The following GAS2L3 variants were observed in gnomAD, a reference collection of about 807,000 sequenced individuals.
The protein encoded by GAS2L3 is GAS2-like protein 3.
A neutral mutation model predicts 37.0 loss-of-function variants in GAS2L3; 28 were observed. The observed-to-expected ratio is 0.76, with a 90% CI of 0.56 to 1.04. GAS2L3 has a LOEUF of 1.04. GAS2L3 is among the 50% of genes least tolerant of loss of function. The pLI is 0.00. For missense variants in GAS2L3, 793 were observed against 817.6 expected (o/e 0.97, Z 0.37); for synonymous variants, 290 against 296.6 (o/e 0.98, Z 0.23).
At chr12:100,612,530 T>C (rs1447192533) in intron 6 of GAS2L3, 1 of 171,908 alleles carries the variant, frequency 5.8e-6, no homozygotes, top group Non-Finnish European at 1.2e-5. Context: ...TCACGGTGTT[T>C]AGCTTTACCT....
chr12:100,622,300 C>CTTGTAGTTGTTCTCA lies in GAS2L3; in HGVS notation c.676_690dup (p.Cys226_His230dup). Reference sequence around the variant, plus strand: ...GTTAAACATATTGCTGAGGACCCTCCTTGTAGTTGTTCTCATCGATTTTCT... The same window carrying CTTGTAGTTGTTCTCA: ...GTTAAACATATTGCTGAGGACCCTCCTTGTAGTTGTTCTCATTGTAGTTGTTCTCATCGATTTTCT... On this transcript the variant is annotated inframe_insertion, in exon 9 of 10. Coordinates refer to ENST00000547754, the MANE Select transcript of GAS2L3 (RefSeq NM_174942.3). 1 of 1,600,762 alleles carries CTTGTAGTTGTTCTCA rather than the reference C, an allele frequency of 6.2e-7. No individual in the cohort carries two copies. Among genetic ancestry groups the CTTGTAGTTGTTCTCA allele is most frequent in the East Asian group, 2.2e-5 (1 of 44,620 alleles).
chr12:100,606,675 G>A (rs190346433), intron 5 of GAS2L3, among the ~76,000 whole-genome samples: 6 of 151,594 alleles, frequency 4.0e-5, no homozygotes, highest in East Asian at 3.9e-4. Context: ...TTGATTTGAG[G>A]TTACCATGAG....
chr12:100,591,240 G>A (rs1955842970), intron 1 of GAS2L3, among the ~76,000 whole-genome samples: 1 of 152,050 alleles, frequency 6.6e-6, no homozygotes, highest in Non-Finnish European at 1.5e-5. Flanking sequence ...AGTAAAGGAG[G>A]TGAATAAATA....
Position 100,583,621 on chromosome 12 carries a change from G to A in GAS2L3, c.-151-8115G>A, listed in dbSNP as rs1955741474. ...CTAGTAGCTGGAACTACAGGTGTGT[G>A]CCACCATGCCGACTAATTTTTTTTG... On this transcript the variant is annotated intron_variant, in intron 1 of 9. Transcript: ENST00000547754. Among the ~76,000 whole-genome samples the A allele has an allele frequency of 3.3e-5, 5 of 152,208 alleles. No individual in the cohort carries two copies. In the South Asian group the frequency reaches 1.0e-3, roughly 32 times the overall value.
At chr12:100,574,876 A>T (rs1294009138) in intron 1 of GAS2L3, among the ~76,000 whole-genome samples, 1 of 152,200 alleles carries the variant, frequency 6.6e-6, no homozygotes, top group Non-Finnish European at 1.5e-5. Flanking sequence ...TCTGGTGTAG[A>T]TGCCGATACC....
chr12:100,578,807 C>T (rs868417546), intron 1 of GAS2L3: 4 of 641,104 alleles, frequency 6.2e-6, no homozygotes, highest in South Asian at 5.1e-5. Flanking sequence ...TCAGGTTAGC[C>T]CTGGAAGTCT....
chr12:100,589,922 TA>T (rs1955826241), intron 1 of GAS2L3, among the ~76,000 whole-genome samples: 1 of 152,130 alleles, frequency 6.6e-6, no homozygotes, highest in Non-Finnish European at 1.5e-5. Context: ...CAAGATGGAT[TA>T]AGGATTTAAA....
At chr12:100,574,187 C>T (rs1160371984) in intron 1 of GAS2L3, among the ~76,000 whole-genome samples, 1 of 152,152 alleles carries the variant, frequency 6.6e-6, no homozygotes, top group Non-Finnish European at 1.5e-5. Flanking sequence ...TCAGGGGCAC[C>T]CTCATCCCTA....
At chr12:100,617,865 A>G in intron 7 of GAS2L3, 58 bp downstream of exon 7, 1 of 1,008,220 alleles carries the variant, frequency 9.9e-7, no homozygotes, top group Non-Finnish European at 1.5e-6. Context: ...AATCTACTGA[A>G]TTTTAGTTTA....
At chr12:100,617,443 T>C (rs374552097) in intron 6 of GAS2L3, among the ~76,000 whole-genome samples, 2 of 152,304 alleles carry the variant, frequency 1.3e-5, no homozygotes, top group South Asian at 4.1e-4. Flanking sequence ...TAATGGTATC[T>C]CTTGTTGAAA....
Position 100,624,799 on chromosome 12 carries a change from C to T in GAS2L3, c.1994C>T (p.Ala665Val), listed in dbSNP as rs771810982. Reference protein sequence around the residue: ...IRKPPSSVKDADSGDKKPTAK... With the variant: ...IRKPPSSVKDVDSGDKKPTAK... ...AAACCACCCTCATCTGTTAAGGATG[C>T]AGATAGTGGAGATAAAAAACCTACT... Residue 665 changes from alanine (A) to valine (V), a missense_variant, in exon 10 of 10, where the codon GCA (alanine) becomes GTA (valine). Ala to Val is a moderately conservative substitution (Grantham distance 64). Coordinates refer to ENST00000547754, the MANE Select transcript of GAS2L3 (RefSeq NM_174942.3). 1.4e-5 allele frequency: 23 copies of T among 1,613,444 alleles called. No individual in the cohort carries two copies. In the African/African-American group the frequency reaches 2.5e-4, roughly 18 times the overall value.
intron 5 of GAS2L3, among the ~76,000 whole-genome samples, chr12:100,606,423 G>T (rs1232152522): frequency 1.3e-5 from 2 of 151,792 alleles, no homozygotes; most frequent in Non-Finnish European, 2.9e-5. Context: ...CAGATAATTG[G>T]GTCTTGCTTT....
intron 5 of GAS2L3, among the ~76,000 whole-genome samples, chr12:100,604,120 T>C (rs1459777437): frequency 6.6e-6 from 1 of 152,116 alleles, no homozygotes; most frequent in Non-Finnish European, 1.5e-5. Flanking sequence ...TAGGATCTTT[T>C]TTCCATTTCT....
intron 1 of GAS2L3, among the ~76,000 whole-genome samples, chr12:100,578,294 TA>T (rs1370189899): frequency 6.6e-6 from 1 of 152,136 alleles, no homozygotes; most frequent in Non-Finnish European, 1.5e-5. Flanking sequence ...AATGTCCTGG[TA>T]ACTTAGTGAA....
chr12:100,579,935 T>C, intron 1 of GAS2L3: 1 of 774,716 alleles, frequency 1.3e-6, no homozygotes, highest in Non-Finnish European at 2.4e-6. Context: ...AAAAAGCGTA[T>C]GACCAAGTAT....
Position 100,624,257 on chromosome 12 carries a change from TGCA to T in GAS2L3, c.1454_1456del (p.Ala485del). On this transcript the variant is annotated inframe_deletion, in exon 10 of 10. Transcript: ENST00000547754. The stretch of plus-strand genomic sequence containing the variant: ...ATAATCATATTTCTTCCAGAGATAA[TGCA>T]GTATCTCACTTAGCTGCACATTCAA... The T allele has an allele frequency of 6.2e-7, 1 of 1,614,110 alleles. No individual in the cohort carries two copies. Among genetic ancestry groups the T allele is most frequent in the Non-Finnish European group, 8.5e-7 (1 of 1,180,004 alleles).
intron 6 of GAS2L3, among the ~76,000 whole-genome samples, chr12:100,617,474 T>G (rs982886877): frequency 5.3e-5 from 8 of 152,190 alleles, no homozygotes; most frequent in African/African-American, 1.9e-4. Context: ...ATAAGCAATG[T>G]TACTAAGCCC....
chr12:100,613,749 C>A (rs1022023807), intron 6 of GAS2L3, among the ~76,000 whole-genome samples: 3 of 152,128 alleles, frequency 2.0e-5, no homozygotes, highest in Non-Finnish European at 4.4e-5. Context: ...CACCTGCCAC[C>A]ACGCCTGGCT....
intron 2 of GAS2L3, among the ~76,000 whole-genome samples, chr12:100,593,036 G>T (rs1220137761): frequency 1.3e-5 from 2 of 152,132 alleles, no homozygotes; most frequent in African/African-American, 4.8e-5. Flanking sequence ...AAATGTGATT[G>T]TGATAGTATC....
Sources: allele counts gnomAD v4.1 joint callset (sites outside exome capture counted in the v4.1 genomes callset), GRCh38; gene constraint gnomAD v4.1.1; transcripts MANE v1.5; gene names NCBI Gene and HGNC (gene_info 2026-07-23, HGNC 2026-07-21).